STK3: variants seen among roughly 807,000 people sequenced by gnomAD.
The protein encoded by STK3 is serine/threonine kinase 3.
STK3 carries 41 observed loss-of-function variants against 58.0 expected under a neutral mutation model. The ratio of observed to expected loss-of-function variants is 0.71; its 90% CI spans 0.55 to 0.92. The LOEUF is 0.92. Among genes scored for constraint, STK3 ranks in the 40% least tolerant of loss-of-function variants. The probability of loss-of-function intolerance (pLI) is 0.00; values close to 1 mark genes in which losing one functional copy is unlikely to be tolerated. For missense variants in STK3, 479 were observed against 602.7 expected (o/e 0.79, Z 2.15); for synonymous variants, 170 against 191.0 (o/e 0.89, Z 0.91).
At chr8:98,856,517 A>G (rs1253816559) in intron 3 of STK3, among the ~76,000 whole-genome samples, 1 of 152,194 alleles carries the variant, frequency 6.6e-6, no homozygotes, top group Non-Finnish European at 1.5e-5. Context: ...ACCATTTCAC[A>G]CAGTAGGATG....
intron 3 of STK3, among the ~76,000 whole-genome samples, chr8:98,424,344 T>G (rs571384872): frequency 6.6e-6 from 1 of 152,316 alleles, no homozygotes; most frequent in Non-Finnish European, 1.5e-5. Flanking sequence ...AGGGCAGGCT[T>G]AGACACAGGG....
chr8:98,795,862 A>AATACC (rs1833138950), intron 1 of STK3, among the ~76,000 whole-genome samples: 1 of 147,376 alleles, frequency 6.8e-6, no homozygotes, highest in African/African-American at 2.6e-5. Flanking sequence ...AATACAATAC[A>AATACC]ATACCTAGGA....
chr8:98,873,755 C>T (rs2131881760), intron 3 of STK3, among the ~76,000 whole-genome samples: 1 of 152,054 alleles, frequency 6.6e-6, no homozygotes, highest in African/African-American at 2.4e-5. Context: ...TGAGATGGGT[C>T]TCCCAAATAC....
chr8:98,465,818 T>C (rs1820418490), intron 10 of STK3, among the ~76,000 whole-genome samples: 2 of 152,140 alleles, frequency 1.3e-5, no homozygotes, highest in Admixed American at 1.3e-4. Flanking sequence ...GGCCACCCAT[T>C]TAAAAAAGGA....
chr8:98,485,925 T>G (rs1404401115), intron 10 of STK3, among the ~76,000 whole-genome samples: 2 of 152,018 alleles, frequency 1.3e-5, no homozygotes, highest in East Asian at 3.9e-4. Context: ...TGAGTTAAAA[T>G]GGAAAAGAAC....
At chr8:98,458,971 C>T (rs1043971944) in intron 10 of STK3, among the ~76,000 whole-genome samples, 5 of 131,328 alleles carry the variant, frequency 3.8e-5, no homozygotes, top group African/African-American at 5.9e-5. Context: ...GGTAGTGGGG[C>T]GCTGCTATAA....
In STK3 at chr8:98,894,316, A is replaced by C. The variant is rs1379623845; in HGVS notation, c.-78-10482T>G. Among the ~76,000 whole-genome samples the C allele has an allele frequency of 3.3e-5, 5 of 152,224 alleles. No individual in the cohort carries two copies. The East Asian group carries it at 9.6e-4, about 29-fold the overall frequency. ...GCTCATCAATCAATTCAACAAGCCC[A>C]AACTACCTTGTTATCTTACCTTCCT... On this transcript the variant is annotated intron_variant, in intron 1 of 1. Coordinates refer to the STK3 transcript ENST00000519420.
At chr8:98,668,042 C>T (rs935531110) in intron 6 of STK3, among the ~76,000 whole-genome samples, 1 of 152,062 alleles carries the variant, frequency 6.6e-6, no homozygotes, top group African/African-American at 2.4e-5. Context: ...ACAAAATACA[C>T]TTACTTTTGT....
intron 1 of STK3, among the ~76,000 whole-genome samples, chr8:98,379,364 C>T (rs530579319): frequency 2.0e-5 from 3 of 152,322 alleles, no homozygotes; most frequent in African/African-American, 4.8e-5. Flanking sequence ...TAGCTTAAAA[C>T]AATTATTAGC....
chr8:98,448,991 A>G (rs768806327), intron 1 of STK3, among the ~76,000 whole-genome samples: 4 of 152,084 alleles, frequency 2.6e-5, no homozygotes, highest in African/African-American at 9.7e-5. Flanking sequence ...CTGACCTGGG[A>G]CTGAAAGGTG....
In STK3 at chr8:98,742,532, C is replaced by T. The variant is rs376667504; in HGVS notation, c.351+6744G>A. Among the ~76,000 whole-genome samples, 10 of 122,750 alleles carry T rather than the reference C, an allele frequency of 8.1e-5. 2 individuals are homozygous for T. The highest frequency in any genetic ancestry group is 2.8e-4 in the African/African-American group (9 of 32,026). 80.5% of individuals were successfully genotyped at this position (122,750 alleles called of 152,430 possible). On this transcript the variant is annotated intron_variant, in intron 4 of 10. Transcript: ENST00000419617. ...AAAGGCCTTTGACAAAATTCAACAA[C>T]GCTTCATGCTAAAAACTCTCAATAA...
At chr8:98,757,469 C>A (rs1293257845) in intron 3 of STK3, among the ~76,000 whole-genome samples, 3 of 150,488 alleles carry the variant, frequency 2.0e-5, no homozygotes, top group Non-Finnish European at 4.4e-5. Flanking sequence ...GTGGCATGCA[C>A]CTGTAATCCC....
chr8:98,696,978 A>G (rs1218829848), intron 6 of STK3, among the ~76,000 whole-genome samples: 1 of 152,140 alleles, frequency 6.6e-6, no homozygotes, highest in South Asian at 2.1e-4. Flanking sequence ...CTGTGAATCC[A>G]TCTGGTCCTG....
At chr8:98,864,180 A>G (rs1219258265) in intron 3 of STK3, among the ~76,000 whole-genome samples, 2 of 142,776 alleles carry the variant, frequency 1.4e-5, no homozygotes, top group South Asian at 2.4e-4. Flanking sequence ...CCTGGGCGAC[A>G]GAGCGAGACT....
At chr8:98,887,419 C>CTGGT (rs1352313562) in intron 1 of STK3, among the ~76,000 whole-genome samples, 1 of 152,160 alleles carries the variant, frequency 6.6e-6, no homozygotes, top group East Asian at 1.9e-4. Context: ...CAAAACACTT[C>CTGGT]TGGTCCTAAG....
intron 1 of STK3, among the ~76,000 whole-genome samples, chr8:98,894,252 C>A (rs1451270296): frequency 6.6e-6 from 1 of 152,192 alleles, no homozygotes; most frequent in East Asian, 1.9e-4. Flanking sequence ...AATCCACCCC[C>A]ACATATTTCA....
chr8:98,406,536 C>A (rs974895873), intron 3 of STK3, among the ~76,000 whole-genome samples: 4 of 152,124 alleles, frequency 2.6e-5, no homozygotes, highest in African/African-American at 9.7e-5. Flanking sequence ...TAGCACAGTA[C>A]CTGCCCATAG....
intron 4 of STK3, among the ~76,000 whole-genome samples, chr8:98,729,009 C>T (rs560712699): frequency 1.3e-5 from 2 of 152,284 alleles, no homozygotes; most frequent in Non-Finnish European, 2.9e-5. Flanking sequence ...AAGGCTATTA[C>T]ATGCAAGGTA....
chr8:98,716,917 G>C (rs1827064501), intron 4 of STK3, among the ~76,000 whole-genome samples: 5 of 152,150 alleles, frequency 3.3e-5, no homozygotes, highest in African/African-American at 7.2e-5. Flanking sequence ...ACATTCAATA[G>C]GAAATGAACA....
Sources: gnomAD v4.1 joint callset for allele counts (sites outside exome capture counted in the v4.1 genomes callset) on GRCh38, gnomAD v4.1.1 for gene constraint, MANE v1.5 for transcripts, NCBI Gene and HGNC (gene_info 2026-07-23, HGNC 2026-07-21) for gene names.